PALM2AKAP2: variants seen among roughly 807,000 people sequenced by gnomAD.
PALM2AKAP2 encodes the protein PALM2 and AKAP2 fusion.
In PALM2AKAP2, 37 loss-of-function variants were observed where a neutral mutation model predicts 71.5. That is an observed-to-expected ratio of 0.52 (90% CI 0.40 to 0.68). PALM2AKAP2 has a LOEUF of 0.68. Among genes scored for constraint, PALM2AKAP2 ranks in the 30% least tolerant of loss-of-function variants. The pLI, the probability that PALM2AKAP2 is intolerant of heterozygous loss-of-function variation, is 0.00. For synonymous variants in PALM2AKAP2, 468 were observed against 478.8 expected (o/e 0.98, Z 0.29); for missense variants, 1,224 against 1,191.8 (o/e 1.03, Z -0.40).
intron 1 of PALM2AKAP2, among the ~76,000 whole-genome samples, chr9:109,658,082 C>G (rs768414701): frequency 6.6e-6 from 1 of 151,792 alleles, no homozygotes; most frequent in Non-Finnish European, 1.5e-5. Context: ...AATAGGGAAC[C>G]CTTGTTTGGG....
intron 1 of PALM2AKAP2, among the ~76,000 whole-genome samples, chr9:109,719,150 G>T (rs997419965): frequency 6.6e-6 from 1 of 152,052 alleles, no homozygotes; most frequent in South Asian, 2.1e-4. Context: ...AGATATCGAG[G>T]AACAAAAACA....
chr9:109,748,377 AG>A (rs1233583830), intron 1 of PALM2AKAP2, among the ~76,000 whole-genome samples: 1 of 152,158 alleles, frequency 6.6e-6, no homozygotes, highest in Non-Finnish European at 1.5e-5. Context: ...GACGCACTAC[AG>A]GGGTTCCCAA....
chr9:109,719,989 T>C (rs1391008662), intron 1 of PALM2AKAP2, among the ~76,000 whole-genome samples: 1 of 151,672 alleles, frequency 6.6e-6, no homozygotes, highest in African/African-American at 2.4e-5. Flanking sequence ...TTTATATTTT[T>C]ATTCCTTTTT....
intron 1 of PALM2AKAP2, among the ~76,000 whole-genome samples, chr9:109,789,721 T>C (rs1348283734): frequency 6.6e-6 from 1 of 152,150 alleles, no homozygotes; most frequent in South Asian, 2.1e-4. Flanking sequence ...TGCTCTGGGT[T>C]TGGGAGAAGA....
At chr9:109,945,378 C>G (rs1205731245) in intron 6 of PALM2AKAP2, 1 of 152,162 alleles carries the variant, frequency 6.6e-6, no homozygotes, top group African/African-American at 2.4e-5. Context: ...ATCTCTAAAT[C>G]TCAAGTTCAT....
intron 1 of PALM2AKAP2, among the ~76,000 whole-genome samples, chr9:109,815,035 G>A (rs1421651050): frequency 6.6e-6 from 1 of 152,174 alleles, no homozygotes; most frequent in Non-Finnish European, 1.5e-5. Context: ...CCACTCAGAG[G>A]TGGCTATCTT....
intron 1 of PALM2AKAP2, among the ~76,000 whole-genome samples, chr9:110,069,611 T>C (rs1358832476): frequency 6.6e-6 from 1 of 152,216 alleles, no homozygotes; most frequent in African/African-American, 2.4e-5. Context: ...CTGTCAGCTC[T>C]GAGATTAAAT....
intron 1 of PALM2AKAP2, among the ~76,000 whole-genome samples, chr9:109,645,716 A>T (rs944310071): frequency 6.6e-6 from 1 of 152,152 alleles, no homozygotes; most frequent in African/African-American, 2.4e-5. Flanking sequence ...ACACATGGAC[A>T]TAAAGATGAA....
chr9:109,988,309 C>T (rs1312814712), intron 6 of PALM2AKAP2, among the ~76,000 whole-genome samples: 1 of 152,086 alleles, frequency 6.6e-6, no homozygotes, highest in Admixed American at 6.5e-5. Context: ...TTTTCATTTC[C>T]TCTAGTGTTT....
At chr9:109,657,928 T>TTGTGTGTGTTTGTGTG (rs1419741342) in intron 1 of PALM2AKAP2, among the ~76,000 whole-genome samples, 2 of 103,386 alleles carry the variant, frequency 1.9e-5, no homozygotes, top group Non-Finnish European at 4.2e-5. Flanking sequence ...GCTCACAGAT[T>TTGTGTGTGTTTGTGTG]TGTGTGTGTT....
intron 6 of PALM2AKAP2, among the ~76,000 whole-genome samples, chr9:109,940,943 G>A (rs557273846): frequency 6.6e-6 from 1 of 152,104 alleles, no homozygotes; most frequent in Non-Finnish European, 1.5e-5. Flanking sequence ...AGGCTGGCAG[G>A]GGTCGGCAAA....
chr9:109,849,328 A>G lies in PALM2AKAP2; in HGVS notation c.46-18163A>G, dbSNP rs181031281. 4.3e-3 allele frequency among the ~76,000 whole-genome samples: 660 copies of G among 152,352 alleles called. 4 individuals are homozygous for G. The highest frequency in any genetic ancestry group is 0.015 in the African/African-American group (628 of 41,580). On this transcript the variant is annotated intron_variant, in intron 1 of 9. Transcript: ENST00000302798. ...CAGACATCTCAAAACCATCCTAAGCATAAGGCACCCAGCTGGTGATTTGAA... is the reference window on the plus strand; with the variant it reads ...CAGACATCTCAAAACCATCCTAAGCGTAAGGCACCCAGCTGGTGATTTGAA...
At chr9:109,774,121 G>T (rs1393227939) in intron 1 of PALM2AKAP2, among the ~76,000 whole-genome samples, 2 of 152,186 alleles carry the variant, frequency 1.3e-5, no homozygotes, top group Non-Finnish European at 2.9e-5. Flanking sequence ...ATTGAAACAT[G>T]GTTAACAATG....
chr9:109,897,566 G>T (rs1258854555), intron 3 of PALM2AKAP2, among the ~76,000 whole-genome samples: 1 of 151,958 alleles, frequency 6.6e-6, no homozygotes, highest in East Asian at 1.9e-4. Flanking sequence ...GCAACAGAGG[G>T]AGACTCCATC....
At chr9:109,919,763 G>GTA (rs1306690826) in intron 3 of PALM2AKAP2, among the ~76,000 whole-genome samples, 24 of 135,794 alleles carry the variant, frequency 1.8e-4, no homozygotes, top group African/African-American at 5.9e-4. Flanking sequence ...GTGTGTGTGT[G>GTA]TGTATATATG....
At chr9:109,830,715 A>G (rs1438152147) in intron 1 of PALM2AKAP2, among the ~76,000 whole-genome samples, 1 of 152,146 alleles carries the variant, frequency 6.6e-6, no homozygotes, top group Non-Finnish European at 1.5e-5. Context: ...AAGATGACTG[A>G]TTTTAGTGTC....
At chr9:109,734,637 A>C (rs1564129126) in intron 1 of PALM2AKAP2, among the ~76,000 whole-genome samples, 1 of 152,176 alleles carries the variant, frequency 6.6e-6, no homozygotes, top group Non-Finnish European at 1.5e-5. Flanking sequence ...GAGGCAGGAG[A>C]GTCTCATCAA....
chr9:109,956,401 C>T (rs758752944), intron 6 of PALM2AKAP2, among the ~76,000 whole-genome samples: 29 of 152,304 alleles, frequency 1.9e-4, no homozygotes, highest in South Asian at 1.2e-3. Context: ...TGGGCCTATT[C>T]TCTTCAGGCC....
chr9:109,780,619 G>C, intron 1 of PALM2AKAP2, 86 bp downstream of exon 1: 2 of 1,565,338 alleles, frequency 1.3e-6, no homozygotes, highest in Non-Finnish European at 8.8e-7. Flanking sequence ...CGGCATGCCA[G>C]CACAGTAGCC....
Sources: gnomAD v4.1 joint callset for allele counts (sites outside exome capture counted in the v4.1 genomes callset) on GRCh38, gnomAD v4.1.1 for gene constraint, MANE v1.5 for transcripts, NCBI Gene and HGNC (gene_info 2026-07-23, HGNC 2026-07-21) for gene names.